SCUBE1: variants seen among roughly 807,000 people sequenced by gnomAD.
SCUBE1 encodes the protein signal peptide, CUB and EGF-like domain-containing protein 1.
A neutral mutation model predicts 124.4 loss-of-function variants in SCUBE1; 59 were observed. That is an observed-to-expected ratio of 0.47 (90% CI 0.38 to 0.59). SCUBE1 has a LOEUF of 0.59. Among genes scored for constraint, SCUBE1 ranks in the 20% least tolerant of loss-of-function variants. The pLI, the probability that SCUBE1 is intolerant of heterozygous loss-of-function variation, is 0.00. For missense variants in SCUBE1, 1,150 were observed against 1,371.2 expected (o/e 0.84, Z 2.55); for synonymous variants, 545 against 550.9 (o/e 0.99, Z 0.15).
At chr22:43,336,933 A>C (rs1927100589) in intron 2 of SCUBE1, among the ~76,000 whole-genome samples, 1 of 150,992 alleles carries the variant, frequency 6.6e-6, no homozygotes, top group Non-Finnish European at 1.5e-5. Context: ...GTGTGTGTGC[A>C]TGCATGTGTG....
At chr22:43,270,868 G>A (rs1924265963) in intron 4 of SCUBE1, among the ~76,000 whole-genome samples, 1 of 152,180 alleles carries the variant, frequency 6.6e-6, no homozygotes, top group Non-Finnish European at 1.5e-5. Context: ...CAGTGCCCCT[G>A]CACCCAGTGC....
intron 3 of SCUBE1, among the ~76,000 whole-genome samples, chr22:43,306,075 G>A (rs932901365): frequency 3.3e-5 from 5 of 152,128 alleles, no homozygotes; most frequent in East Asian, 3.9e-4. Context: ...CATCTGCCCC[G>A]ATGCAGCCAG....
At chr22:43,307,747 A>G (rs1306392722) in intron 3 of SCUBE1, among the ~76,000 whole-genome samples, 1 of 152,224 alleles carries the variant, frequency 6.6e-6, no homozygotes, top group East Asian at 1.9e-4. Flanking sequence ...CCGCTTCGGA[A>G]AAAAGATTTC....
At chr22:43,284,755 ATCGTCATCG>A (rs1202624214) in intron 4 of SCUBE1, among the ~76,000 whole-genome samples, 1 of 149,188 alleles carries the variant, frequency 6.7e-6, no homozygotes, top group Non-Finnish European at 1.5e-5. Flanking sequence ...TGCAATCATC[ATCGTCATCG>A]TCGTCGTCGT....
chr22:43,216,462 G>A (rs1275209442), intron 15 of SCUBE1, among the ~76,000 whole-genome samples: 1 of 150,082 alleles, frequency 6.7e-6, no homozygotes, highest in East Asian at 2.1e-4. Flanking sequence ...AGACCAGCCT[G>A]GCCAACATAG....
intron 1 of SCUBE1, among the ~76,000 whole-genome samples, chr22:43,342,541 T>TC (rs1927357383): frequency 6.7e-6 from 1 of 149,742 alleles, no homozygotes; most frequent in African/African-American, 2.5e-5. Flanking sequence ...CGTCCATCTG[T>TC]CCCCCGTCTC....
chr22:43,225,604 G>A (rs891091182), intron 10 of SCUBE1, among the ~76,000 whole-genome samples: 6 of 150,568 alleles, frequency 4.0e-5, no homozygotes, highest in South Asian at 2.2e-4. Flanking sequence ...GTGAAACCTC[G>A]TCTCTATTAA....
intron 2 of SCUBE1, among the ~76,000 whole-genome samples, chr22:43,336,110 C>T (rs1441031989): frequency 6.6e-6 from 1 of 152,164 alleles, no homozygotes; most frequent in Non-Finnish European, 1.5e-5. Context: ...GATGCCAGCC[C>T]CCAGTGCACT....
At chr22:43,275,323 G>A (rs1187626282) in intron 4 of SCUBE1, among the ~76,000 whole-genome samples, 6 of 152,218 alleles carry the variant, frequency 3.9e-5, no homozygotes, top group African/African-American at 1.2e-4. Flanking sequence ...CCCTCTCCTG[G>A]CGGTGGGCTG....
At chr22:43,289,813 GC>G (rs1341596853) in intron 4 of SCUBE1, among the ~76,000 whole-genome samples, 1 of 152,206 alleles carries the variant, frequency 6.6e-6, no homozygotes, top group African/African-American at 2.4e-5. Context: ...GAGAGGAGGA[GC>G]TGGATTCACA....
At chr22:43,271,337 A>G (rs1197895678) in intron 4 of SCUBE1, among the ~76,000 whole-genome samples, 1 of 152,190 alleles carries the variant, frequency 6.6e-6, no homozygotes, top group Non-Finnish European at 1.5e-5. Context: ...TCCCCTGTAC[A>G]ATGCCTAACA....
intron 2 of SCUBE1, among the ~76,000 whole-genome samples, chr22:43,337,267 C>T (rs959259844): frequency 5.3e-5 from 8 of 152,024 alleles, no homozygotes; most frequent in Non-Finnish European, 1.0e-4. Context: ...AGCTGAACTC[C>T]GAAAAATTTT....
chr22:43,244,975 C>T (rs762345426), intron 6 of SCUBE1, among the ~76,000 whole-genome samples: 5 of 152,174 alleles, frequency 3.3e-5, no homozygotes, highest in African/African-American at 4.8e-5. Context: ...AGGGATTGGC[C>T]GGCCCTTCCG....
chr22:43,315,108 A>G (rs1926300146), intron 3 of SCUBE1, among the ~76,000 whole-genome samples: 1 of 152,152 alleles, frequency 6.6e-6, no homozygotes, highest in South Asian at 2.1e-4. Flanking sequence ...CAAACCAAAC[A>G]TGTCTGTGGG....
chr22:43,245,749 G>A (rs1923185412), intron 6 of SCUBE1, among the ~76,000 whole-genome samples: 1 of 152,178 alleles, frequency 6.6e-6, no homozygotes, highest in Non-Finnish European at 1.5e-5. Flanking sequence ...GAAATAAAAG[G>A]CCCACAGGCC....
intron 4 of SCUBE1, among the ~76,000 whole-genome samples, chr22:43,280,393 CCCCG>C (rs1924723777): frequency 3.3e-5 from 4 of 121,216 alleles, no homozygotes; most frequent in South Asian, 5.4e-4. Flanking sequence ...CTCACCCATC[CCCCG>C]TCCCTTCCCC....
chr22:43,323,496 C>T (rs1926624623), intron 2 of SCUBE1, among the ~76,000 whole-genome samples: 2 of 152,024 alleles, frequency 1.3e-5, no homozygotes, highest in Admixed American at 6.5e-5. Flanking sequence ...AAATGTTCAC[C>T]CATACATCCA....
At chr22:43,242,086 G>A (rs1180797602) in intron 6 of SCUBE1, among the ~76,000 whole-genome samples, 1 of 152,248 alleles carries the variant, frequency 6.6e-6, no homozygotes, top group Non-Finnish European at 1.5e-5. Flanking sequence ...AAGACGGGTA[G>A]AGGGAACAAC....
intron 4 of SCUBE1, among the ~76,000 whole-genome samples, chr22:43,285,605 A>T (rs759958880): frequency 6.6e-6 from 1 of 152,242 alleles, no homozygotes; most frequent in Non-Finnish European, 1.5e-5. Context: ...GGCTCAGCTC[A>T]GAATGGGCTG....
Sources: gnomAD v4.1 joint callset for allele counts (sites outside exome capture counted in the v4.1 genomes callset) on GRCh38, gnomAD v4.1.1 for gene constraint, MANE v1.5 for transcripts, NCBI Gene and HGNC (gene_info 2026-07-23, HGNC 2026-07-21) for gene names.